The following NBEAL1 variants were observed in gnomAD, a reference collection of about 807,000 sequenced individuals.
NBEAL1 encodes the protein neurobeachin like 1, also known as neurobeachin-like protein 1.
Under a neutral mutation model 351.3 loss-of-function variants are expected in NBEAL1, and 273 were observed. The observed-to-expected ratio is 0.78, with a 90% CI of 0.70 to 0.86. NBEAL1 has a LOEUF of 0.86. Among genes scored for constraint, NBEAL1 ranks in the 40% least tolerant of loss-of-function variants. NBEAL1 has a pLI of 0.00. For missense variants in NBEAL1, 2,961 were observed against 3,201.3 expected (o/e 0.92, Z 1.81); for synonymous variants, 1,050 against 1,086.4 (o/e 0.97, Z 0.66).
At chr2:203,088,769 C>T (rs539544117) in intron 10 of NBEAL1, among the ~76,000 whole-genome samples, 3 of 152,234 alleles carry the variant, frequency 2.0e-5, no homozygotes, top group Admixed American at 2.0e-4. Context: ...TTTGATCCAT[C>T]CAAAATACAG....
intron 42 of NBEAL1, among the ~76,000 whole-genome samples, chr2:203,176,999 AAGTT>A (rs778226286): frequency 6.6e-6 from 1 of 151,818 alleles, no homozygotes; most frequent in Non-Finnish European, 1.5e-5. Flanking sequence ...AAAAAATAGA[AAGTT>A]AGTCGGGTGT....
At position 203,125,309 on chromosome 2, in the gene NBEAL1, G is replaced by C. The variant is rs1171179710; in HGVS notation, c.2683-43G>C. ...TGTGAAGATATTAAATGACAAAATT[G>C]TCCTCCTTTTATAAGATTTAAACAT... On this transcript the variant is annotated intron_variant, in intron 19 of 55. Transcript: ENST00000683969. The C allele has an allele frequency of 2.3e-6, 3 of 1,310,596 alleles. No homozygotes were observed. The East Asian group carries it at 8.3e-5, about 36-fold the overall frequency. 81.2% of individuals were successfully genotyped at this position (1,310,596 alleles called of 1,614,324 possible). A position where few individuals can be genotyped will look rare whatever the true frequency, so the allele number is the denominator to read the frequency against.
In NBEAL1 at chr2:203,209,148, A is replaced by G; in HGVS notation, c.7624-13A>G. 1 of 1,601,194 alleles carries G rather than the reference A, an allele frequency of 6.2e-7. No homozygotes were observed. Among genetic ancestry groups the G allele is most frequent in the Non-Finnish European group, 8.5e-7 (1 of 1,170,464 alleles). On this transcript the variant is annotated splice_polypyrimidine_tract_variant and intron_variant, in intron 52 of 55. Coordinates refer to ENST00000683969, the MANE Select transcript of NBEAL1 (RefSeq NM_001378026.1). Reference sequence around the variant, plus strand: ...CTTTGTCTTTTTCATTTTCTGATATATCCTGTGTGTAGGATGGAACGGTGA... The same window carrying G: ...CTTTGTCTTTTTCATTTTCTGATATGTCCTGTGTGTAGGATGGAACGGTGA...
At chr2:203,044,864 C>T (rs2061201753) in intron 3 of NBEAL1, among the ~76,000 whole-genome samples, 1 of 152,138 alleles carries the variant, frequency 6.6e-6, no homozygotes, top group Non-Finnish European at 1.5e-5. Flanking sequence ...TCAACCTAGG[C>T]TGCTTCCTGT....
At position 203,039,170 on chromosome 2, in the gene NBEAL1, TTTTTCTTTCCTTTCC is replaced by T. The variant is rs2061087715; in HGVS notation, c.52-2576_52-2562del. On this transcript the variant is annotated intron_variant, in intron 2 of 55. Transcript: ENST00000683969. Reference sequence around the variant, plus strand: ...TGTCTTGTCTTGTCTTGTCCTGTCTTTTTTCTTTCCTTTCCTTTTCTTTCCTTTCCTTTCCTTTCC... The same window carrying T: ...TGTCTTGTCTTGTCTTGTCCTGTCTTTTTTCTTTCCTTTCCTTTCCTTTCC... Among the ~76,000 whole-genome samples the T allele has an allele frequency of 2.1e-5, 3 of 143,242 alleles. 1 individual carries two copies. Among genetic ancestry groups the T allele is most frequent in the African/African-American group, 7.5e-5 (3 of 40,230 alleles). 94.0% of individuals were successfully genotyped at this position (143,242 alleles called of 152,430 possible).
At chr2:203,202,142 A>G (rs2065417997) in intron 50 of NBEAL1, among the ~76,000 whole-genome samples, 1 of 152,208 alleles carries the variant, frequency 6.6e-6, no homozygotes, top group South Asian at 2.1e-4. Flanking sequence ...ATAAGAATAA[A>G]ACATTGAGTA....
Position 203,086,646 on chromosome 2 carries a change from T to G in NBEAL1, c.1098+2077T>G, listed in dbSNP as rs952318135. Among the ~76,000 whole-genome samples, 3 of 152,296 alleles carry G rather than the reference T, an allele frequency of 2.0e-5. 1 individual carries two copies. The South Asian group carries it at 6.2e-4, about 32-fold the overall frequency. On this transcript the variant is annotated intron_variant, in intron 10 of 55. Transcript: ENST00000683969. ...GCCTCCTGGGTTCAAGCGATTCTCC[T>G]GCCTCAGCCCCCCAAATAGCTGGGA... is the stretch of plus-strand genomic sequence containing the variant.
Position 203,217,397 on chromosome 2 carries a change from A to G in NBEAL1, c.*43A>G, listed in dbSNP as rs767981645. The G allele has an allele frequency of 2.6e-6, 4 of 1,515,212 alleles. No individual in the cohort carries two copies. Among genetic ancestry groups the G allele is most frequent in the Non-Finnish European group, 3.5e-6 (4 of 1,128,098 alleles). 93.9% of individuals were successfully genotyped at this position (1,515,212 alleles called of 1,614,324 possible). ...TGTTATGATTACTGAAACCTGATTT[A>G]TTGCTTTGTCACTTTAACCACATCT... On this transcript the variant is annotated 3_prime_UTR_variant, in exon 56 of 56. Coordinates refer to ENST00000683969, the MANE Select transcript of NBEAL1 (RefSeq NM_001378026.1).
intron 54 of NBEAL1, 89 bp from the exon 55 acceptor site, chr2:203,213,429 T>C: frequency 8.2e-7 from 1 of 1,219,032 alleles, no homozygotes; most frequent in Non-Finnish European, 1.2e-6. Context: ...CAGAACTAGA[T>C]GAGCATTAAT....
At position 203,057,969 on chromosome 2, in the gene NBEAL1, G is replaced by A. The variant is rs1327217067; in HGVS notation, c.515+516G>A. Among the ~76,000 whole-genome samples, 4 of 151,538 alleles carry A rather than the reference G, an allele frequency of 2.6e-5. No individual in the cohort carries two copies. In the South Asian group the frequency reaches 6.2e-4, roughly 24 times the overall value. On this transcript the variant is annotated intron_variant, in intron 6 of 55. Coordinates refer to ENST00000683969, the MANE Select transcript of NBEAL1 (RefSeq NM_001378026.1). ...AGCAGTACTCCTGCCTTAGCCTACC[G>A]AGTAGCTGGGATTACAGGAGTGCAC...
At position 203,062,561 on chromosome 2, in the gene NBEAL1, A is replaced by G. The variant is rs1397613625; in HGVS notation, c.515+5108A>G. 4.8e-6 allele frequency: 1 copy of G among 208,842 alleles called. No individual in the cohort carries two copies. Among genetic ancestry groups the G allele is most frequent in the East Asian group, 1.4e-4 (1 of 6,914 alleles). 12.9% of individuals were successfully genotyped at this position (208,842 alleles called of 1,614,324 possible). On this transcript the variant is annotated intron_variant, in intron 6 of 55. Coordinates refer to ENST00000683969, the MANE Select transcript of NBEAL1 (RefSeq NM_001378026.1). This position sits in a 1 kb window ranked among gnomAD's most constrained non-coding sequence, Gnocchi z 4.2. Reference sequence around the variant, plus strand: ...GCAGCCCAGAGACCCAAAAAGAAGAAAATTTTATATACTATTAATATAATA... The same window carrying G: ...GCAGCCCAGAGACCCAAAAAGAAGAGAATTTTATATACTATTAATATAATA...
chr2:203,094,221 T>TA (rs2062129699), intron 10 of NBEAL1, among the ~76,000 whole-genome samples: 5 of 152,200 alleles, frequency 3.3e-5, no homozygotes, highest in Non-Finnish European at 5.9e-5. Flanking sequence ...GGAAAAATGT[T>TA]TTCTGTATAT....
At chr2:203,043,415 G>C (rs1324648281) in intron 3 of NBEAL1, among the ~76,000 whole-genome samples, 1 of 152,090 alleles carries the variant, frequency 6.6e-6, no homozygotes, top group Non-Finnish European at 1.5e-5. Flanking sequence ...AAAATGGAGA[G>C]AGGCATCTAG....
intron 2 of NBEAL1, among the ~76,000 whole-genome samples, chr2:203,018,177 G>A (rs1330628376): frequency 1.3e-5 from 2 of 150,700 alleles, no homozygotes; most frequent in African/African-American, 4.9e-5. Flanking sequence ...GTACCCAGTT[G>A]TTCTCTATAC....
chr2:203,103,359 C>T (rs1487543156), intron 12 of NBEAL1, among the ~76,000 whole-genome samples: 2 of 152,012 alleles, frequency 1.3e-5, no homozygotes, highest in African/African-American at 4.8e-5. Context: ...CTGCAACCTC[C>T]GCCTCCCGGG....
At chr2:203,095,987 C>A (rs964260812) in intron 10 of NBEAL1, among the ~76,000 whole-genome samples, 6 of 152,030 alleles carry the variant, frequency 3.9e-5, no homozygotes, top group African/African-American at 1.4e-4. Context: ...GAACTCCTGA[C>A]CTCAGGTGAT....
chr2:203,213,396 C>G (rs1230994435), intron 54 of NBEAL1, 122 bp from the exon 55 acceptor site: 1 of 871,806 alleles, frequency 1.1e-6, no homozygotes, highest in Non-Finnish European at 1.7e-6. Flanking sequence ...GACACAAGTT[C>G]CCACATCTGT....
Position 203,180,513 on chromosome 2 carries a change from G to A in NBEAL1, c.6595+1G>A, listed in dbSNP as rs371479430. ...CCAGAGTTTTTGGAAAATCAAAATC[G>A]TAAGAAATAGAGGATTAAAAATTTG... On this transcript the variant is annotated splice_donor_variant, in intron 43 of 55. Coordinates refer to ENST00000683969, the MANE Select transcript of NBEAL1 (RefSeq NM_001378026.1). LOFTEE classifies it high-confidence loss of function. 7.5e-6 allele frequency: 12 copies of A among 1,604,056 alleles called. No homozygotes were observed. Among genetic ancestry groups the A allele is most frequent in the Admixed American group, 6.8e-5 (4 of 59,160 alleles).
intron 54 of NBEAL1, among the ~76,000 whole-genome samples, chr2:203,211,330 A>G (rs1458284526): frequency 1.3e-5 from 2 of 152,102 alleles, no homozygotes; most frequent in East Asian, 1.9e-4. Flanking sequence ...TACATTATAT[A>G]TATTTTACCG....
Sources: allele counts gnomAD v4.1 joint callset (sites outside exome capture counted in the v4.1 genomes callset), GRCh38; gene constraint gnomAD v4.1.1; non-coding constraint Gnocchi (gnomAD v3.1); transcripts MANE v1.5; gene names NCBI Gene and HGNC (gene_info 2026-07-23, HGNC 2026-07-21).